The following LAIR1 variants were observed in gnomAD, a reference collection of about 807,000 sequenced individuals.
The protein encoded by LAIR1 is leukocyte-associated immunoglobulin-like receptor 1.
LAIR1 carries 24 observed loss-of-function variants against 32.8 expected under a neutral mutation model. The observed-to-expected ratio is 0.73, with a 90% CI of 0.53 to 1.03. LAIR1 has a LOEUF of 1.03. Among genes scored for constraint, LAIR1 ranks in the 50% least tolerant of loss-of-function variants. LAIR1 has a pLI of 0.00. For synonymous variants in LAIR1, 150 were observed against 140.5 expected (o/e 1.07, Z -0.48); for missense variants, 355 against 347.5 (o/e 1.02, Z -0.17).
chr19:54,365,308 A>G (rs527729608), upstream of LAIR1, among the ~76,000 whole-genome samples: 15 of 151,186 alleles, frequency 9.9e-5, no homozygotes, highest in African/African-American at 3.4e-4. Flanking sequence ...AACACGTTAA[A>G]AATATCCTAC....
chr19:54,356,805 T>G (rs942038117), intron 5 of LAIR1, 123 bp downstream of exon 5: 1 of 1,331,804 alleles, frequency 7.5e-7, no homozygotes, highest in African/African-American at 1.5e-5. Context: ...GCTGGAGTCC[T>G]CTGCACAGGG....
chr19:54,361,148 A>G lies in LAIR1; in HGVS notation c.132T>C (p.His44=), dbSNP rs756059267. The G allele has an allele frequency of 8.7e-6, 14 of 1,614,056 alleles. No homozygotes were observed. In the Middle Eastern group the frequency reaches 1.2e-3, roughly 133 times the overall value. The change falls in exon 3 of 10, where the codon CAT becomes CAC. Residue 44 remains histidine (H), a synonymous_variant. Transcript: ENST00000391742. ...CCGGGCCCCGGCACACGAAAGTCAC[A>G]TGGCTCCCCAGGGGGATCACGGTGC... ...EPGTVIPLGS[H]VTFVCRGPVG...
chr19:54,373,290 A>G (rs1294369469), upstream of LAIR1, among the ~76,000 whole-genome samples: 4 of 149,626 alleles, frequency 2.7e-5, no homozygotes, highest in African/African-American at 1.0e-4. Flanking sequence ...AAAAAATACA[A>G]AAAGTTAGCT....
At chr19:54,359,304 G>A (rs1165861769) in intron 4 of LAIR1, among the ~76,000 whole-genome samples, 2 of 151,858 alleles carry the variant, frequency 1.3e-5, no homozygotes, top group Non-Finnish European at 2.9e-5. Context: ...ACAGATCACA[G>A]GGGGAGATGG....
chr19:54,361,680 G>A (rs2082030582), intron 2 of LAIR1, among the ~76,000 whole-genome samples: 1 of 141,092 alleles, frequency 7.1e-6, no homozygotes, highest in Non-Finnish European at 1.6e-5. Flanking sequence ...AGTGTGGGAC[G>A]GGGGTTGCCA....
chr19:54,355,523 C>T lies in LAIR1; in HGVS notation c.718-109G>A. ...TCTCCATGGGCCCTGAGGACCCTCT[C>T]CTAAATTGCATCCGTGTGAAGAGCC... On this transcript the variant is annotated intron_variant, in intron 9 of 9. Coordinates refer to ENST00000391742, the MANE Select transcript of LAIR1 (RefSeq NM_002287.6). The surrounding 1 kb of genome is among the most constrained non-coding windows in gnomAD (Gnocchi z 4.7). 1.0e-6 allele frequency: 1 copy of T among 976,448 alleles called. No homozygotes were observed. The highest frequency in any genetic ancestry group is 1.6e-5 in the African/African-American group (1 of 60,758). The allele number at this position is 976,448 out of a possible 1,614,324, so 60.5% of individuals were successfully genotyped here. A position where few individuals can be genotyped will look rare whatever the true frequency, so the allele number is the denominator to read the frequency against.
Position 54,364,634 on chromosome 19 carries a change from G to T in LAIR1, c.34+137C>A. Reference sequence around the variant, plus strand: ...TCTCTGATCAGACTTAGGCCCCAGGGAGAGCAGCAGGGCAGTCTTGGGAGG... The same window carrying T: ...TCTCTGATCAGACTTAGGCCCCAGGTAGAGCAGCAGGGCAGTCTTGGGAGG... On this transcript the variant is annotated intron_variant, in intron 1 of 9. Transcript: ENST00000391742. The surrounding 1 kb of genome is among the most constrained non-coding windows in gnomAD (Gnocchi z 4.8). 1 of 883,830 alleles carries T rather than the reference G, an allele frequency of 1.1e-6. No individual in the cohort carries two copies. The highest frequency in any genetic ancestry group is 1.9e-6 in the Non-Finnish European group (1 of 517,410). The allele number at this position is 883,830 out of a possible 1,614,324, so 54.7% of individuals were successfully genotyped here.
intron 7 of LAIR1, 44 bp from the exon 8 acceptor site, chr19:54,356,311 C>T: frequency 6.2e-7 from 1 of 1,606,736 alleles, no homozygotes. Context: ...AGCCTGGCGG[C>T]CGAGGACTGG....
At chr19:54,367,837 A>G (rs1245374413), upstream of LAIR1, among the ~76,000 whole-genome samples, 3 of 146,034 alleles carry the variant, frequency 2.1e-5, no homozygotes, top group Admixed American at 1.4e-4. Flanking sequence ...CAGTGGCGCA[A>G]TCTCGGCTCA....
upstream of LAIR1, among the ~76,000 whole-genome samples, chr19:54,373,256 C>T (rs1011137712): frequency 6.6e-6 from 1 of 151,396 alleles, no homozygotes; most frequent in Non-Finnish European, 1.5e-5. Flanking sequence ...TCCTGGCCAA[C>T]ACGGTGAAAC....
rs58343747 is a variant in LAIR1, at chr19:54,357,255, G to A, written c.416-289C>T. 9.0e-3 allele frequency: 4,279 copies of A among 474,010 alleles called. 148 individuals are homozygous for A. The highest frequency in any genetic ancestry group is 0.07 in the African/African-American group (3,594 of 51,160). The allele number at this position is 474,010 out of a possible 1,614,324, so 29.4% of individuals were successfully genotyped here. Reference sequence around the variant, plus strand: ...CACCTCCAGGACTCAGTGACCCCACGGGCCTGATGCCATCCCTACTGGACG... The same window carrying A: ...CACCTCCAGGACTCAGTGACCCCACAGGCCTGATGCCATCCCTACTGGACG... On this transcript the variant is annotated intron_variant, in intron 4 of 9. Transcript: ENST00000391742.
upstream of LAIR1, among the ~76,000 whole-genome samples, chr19:54,368,983 G>A (rs189129568): frequency 6.6e-6 from 1 of 151,228 alleles, no homozygotes; most frequent in African/African-American, 2.5e-5. Context: ...CACTGCACCC[G>A]GCCGACTAAT....
chr19:54,356,360 G>C lies in LAIR1; in HGVS notation c.622C>G (p.Gln208Glu). The part of the protein sequence containing the change: ...RSKDEEQKPQ[Q>E]RPDLAVDVLE... Reference sequence around the variant, plus strand: ...AGTCATTCCCAGGGGCCTCACCTCTGCTGTGGCTTCTGCTCCTCGTCCTTG... The same window carrying C: ...AGTCATTCCCAGGGGCCTCACCTCTCCTGTGGCTTCTGCTCCTCGTCCTTG... Residue 208 changes from glutamine to glutamate, a missense_variant, in exon 7 of 10, where the codon CAG becomes GAG. Coordinates refer to ENST00000391742, the MANE Select transcript of LAIR1 (RefSeq NM_002287.6). 2 of 1,594,466 alleles carry C rather than the reference G, an allele frequency of 1.3e-6. No homozygotes were observed. Among genetic ancestry groups the C allele is most frequent in the Non-Finnish European group, 1.7e-6 (2 of 1,170,660 alleles).
intron 2 of LAIR1, among the ~76,000 whole-genome samples, chr19:54,362,138 C>A (rs1052569288): frequency 2.6e-5 from 4 of 152,050 alleles, no homozygotes; most frequent in East Asian, 1.9e-4. Flanking sequence ...ATTAATATAA[C>A]CTCACTTTGC....
chr19:54,364,330 A>C lies in LAIR1; in HGVS notation c.35T>G (p.Val12Gly). 1 of 1,613,892 alleles carries C rather than the reference A, an allele frequency of 6.2e-7. No homozygotes were observed. The highest frequency in any genetic ancestry group is 8.5e-7 in the Non-Finnish European group (1 of 1,179,878). The change falls in exon 2 of 10, where the codon GTG becomes GGG. Residue 12 changes from valine (V) to glycine (G), a missense_variant and splice_region_variant. Val to Gly is a moderately radical substitution (Grantham distance 109). Coordinates refer to ENST00000391742, the MANE Select transcript of LAIR1 (RefSeq NM_002287.6). This position sits in a 1 kb window ranked among gnomAD's most constrained non-coding sequence, Gnocchi z 4.8. The stretch of plus-strand genomic sequence containing the variant: ...GTGGATGGTCTGGGCCAGGCAGAGC[A>C]CTGGAAGAGAAGCCCCAGTGAGAAA... ...SPHPTALLGLVLCLAQTIHTQ... is the reference protein window; with the variant it reads ...SPHPTALLGLGLCLAQTIHTQ...
At position 54,364,926 on chromosome 19, in the gene LAIR1, G is replaced by A. The variant is rs2082202489; in HGVS notation, c.-122C>T. On this transcript the variant is annotated 5_prime_UTR_variant, in exon 1 of 10. Transcript: ENST00000391742. This position sits in a 1 kb window ranked among gnomAD's most constrained non-coding sequence, Gnocchi z 4.8. ...GCCTCCTGCCTATGGGGCTTCCACAGCAACTGCCTCACACAAGAGGAAGAG... is the reference window on the plus strand; with the variant it reads ...GCCTCCTGCCTATGGGGCTTCCACAACAACTGCCTCACACAAGAGGAAGAG... The A allele has an allele frequency of 1.9e-6, 3 of 1,586,538 alleles. No homozygotes were observed.
At position 54,364,131 on chromosome 19, in the gene LAIR1, C is replaced by T. The variant is rs941519615; in HGVS notation, c.70+164G>A. Among the ~76,000 whole-genome samples, 1 of 151,984 alleles carries T rather than the reference C, an allele frequency of 6.6e-6. No individual in the cohort carries two copies. The highest frequency in any genetic ancestry group is 2.1e-4 in the South Asian group (1 of 4,828). On this transcript the variant is annotated intron_variant, in intron 2 of 9. Coordinates refer to ENST00000391742, the MANE Select transcript of LAIR1 (RefSeq NM_002287.6). The surrounding 1 kb of genome is among the most constrained non-coding windows in gnomAD (Gnocchi z 4.8). ...GACAGGTGGAGGATGCGAGAGAGAA[C>T]TGGGTGAGGGTTGGTTATGCATTTT... is the stretch of plus-strand genomic sequence containing the variant.
chr19:54,357,936 A>G (rs1441378129), intron 4 of LAIR1: 1 of 150,738 alleles, frequency 6.6e-6, no homozygotes, highest in African/African-American at 2.4e-5. Context: ...TTACATATGT[A>G]TTATATATGT....
chr19:54,351,709 G>T lies in LAIR1; in HGVS notation c.*3559C>A, dbSNP rs933421435. On this transcript the variant is annotated 3_prime_UTR_variant, in exon 10 of 10. Coordinates refer to ENST00000391742, the MANE Select transcript of LAIR1 (RefSeq NM_002287.6). ...ACGCTCTTGCTCCTCTTCCTAGCAA[G>T]AGAGCAAAGACTGTGAGGTTTGGTG... The T allele has an allele frequency of 2.0e-5, 3 of 152,190 alleles. No individual in the cohort carries two copies. Among genetic ancestry groups the T allele is most frequent in the Admixed American group, 6.5e-5 (1 of 15,270 alleles). 9.4% of individuals were successfully genotyped at this position (152,190 alleles called of 1,614,324 possible). A position where few individuals can be genotyped will look rare whatever the true frequency, so the allele number is the denominator to read the frequency against.
Sources: gnomAD v4.1 joint callset for allele counts (sites outside exome capture counted in the v4.1 genomes callset) on GRCh38, gnomAD v4.1.1 for gene constraint, Gnocchi (gnomAD v3.1) non-coding constraint, MANE v1.5 for transcripts, NCBI Gene and HGNC (gene_info 2026-07-23, HGNC 2026-07-21) for gene names.